Variants in ELAVL4 observed in about 807,000 individuals in gnomAD.
The protein encoded by ELAVL4 is ELAV like RNA binding protein 4, also known as ELAV-like protein 4.
In ELAVL4, 1 loss-of-function variant was observed where a neutral mutation model predicts 35.6. The ratio of observed to expected loss-of-function variants is 0.03; its 90% CI spans 0.01 to 0.13. The LOEUF (loss-of-function observed/expected upper bound fraction) is 0.13. Among genes scored for constraint, ELAVL4 ranks in the 10% least tolerant of loss-of-function variants. The pLI, the probability that ELAVL4 is intolerant of heterozygous loss-of-function variation, is 1.00. For synonymous variants in ELAVL4, 156 were observed against 171.0 expected (o/e 0.91, Z 0.69); for missense variants, 267 against 464.9 (o/e 0.57, Z 3.91).
At chr1:50,086,500 A>T (rs1175435507) in intron 1 of ELAVL4, among the ~76,000 whole-genome samples, 2 of 144,348 alleles carry the variant, frequency 1.4e-5, no homozygotes, top group African/African-American at 2.6e-5. Context: ...ATATATATAT[A>T]CTCTCTCTGC....
intron 1 of ELAVL4, among the ~76,000 whole-genome samples, chr1:50,136,018 G>A (rs755201219): frequency 7.9e-5 from 12 of 151,998 alleles, no homozygotes; most frequent in Non-Finnish European, 1.0e-4. Context: ...TCATAACCAG[G>A]AAAGTGTTGC....
intron 1 of ELAVL4, chr1:50,048,295 CCCCGACT>C: frequency 3.8e-6 from 5 of 1,310,690 alleles, no homozygotes; most frequent in Non-Finnish European, 5.0e-6. Flanking sequence ...AGCCTGGCCA[CCCCGACT>C]CCCAGGGAGG....
At chr1:50,141,287 G>A (rs1672772478) in intron 1 of ELAVL4, among the ~76,000 whole-genome samples, 1 of 152,208 alleles carries the variant, frequency 6.6e-6, no homozygotes, top group African/African-American at 2.4e-5. Context: ...TTGTTGGGGA[G>A]CTGAAAGAAG....
chr1:50,181,793 C>G (rs1272455080), intron 3 of ELAVL4, among the ~76,000 whole-genome samples: 1 of 152,184 alleles, frequency 6.6e-6, no homozygotes, highest in Non-Finnish European at 1.5e-5. Flanking sequence ...AAGCAATTCT[C>G]CTGCCTCAGC....
intron 2 of ELAVL4, among the ~76,000 whole-genome samples, chr1:50,157,440 T>G (rs1379709028): frequency 6.6e-6 from 1 of 152,252 alleles, no homozygotes; most frequent in East Asian, 1.9e-4. Context: ...TGTGATAAGC[T>G]ATCTTTCCTT....
intron 1 of ELAVL4, among the ~76,000 whole-genome samples, chr1:50,084,279 G>T (rs1013131472): frequency 1.3e-5 from 2 of 152,084 alleles, no homozygotes; most frequent in African/African-American, 4.8e-5. Context: ...CAACTCTGTT[G>T]TAGGGTAGGT....
intron 2 of ELAVL4, chr1:50,175,305 G>C (rs1679794113): frequency 6.6e-6 from 1 of 151,828 alleles, no homozygotes; most frequent in South Asian, 2.1e-4. Context: ...ATTGGTCTCT[G>C]TATTTTTGTA....
intron 1 of ELAVL4, among the ~76,000 whole-genome samples, chr1:50,068,083 A>T (rs1439725966): frequency 2.0e-5 from 3 of 152,148 alleles, no homozygotes; most frequent in Non-Finnish European, 4.4e-5. Context: ...ATCACTTATA[A>T]ACCACTAAAC....
At chr1:50,130,873 T>C (rs1185521241) in intron 1 of ELAVL4, among the ~76,000 whole-genome samples, 2 of 152,178 alleles carry the variant, frequency 1.3e-5, no homozygotes, top group Non-Finnish European at 2.9e-5. Flanking sequence ...ATTAACATCA[T>C]TAAATTGTGT....
chr1:50,122,013 C>T (rs60708754), intron 1 of ELAVL4, among the ~76,000 whole-genome samples: 1,666 of 152,126 alleles, frequency 0.011, 23 homozygotes, highest in African/African-American at 0.038. Context: ...TTACAAACAC[C>T]ATCCCTTTTA....
At chr1:50,057,268 A>G (rs991675003) in intron 1 of ELAVL4, among the ~76,000 whole-genome samples, 28 of 152,270 alleles carry the variant, frequency 1.8e-4, no homozygotes, top group African/African-American at 5.8e-4. Flanking sequence ...ACAGCTGTAC[A>G]TGTGTTTGTG....
chr1:50,200,832 C>G lies in ELAVL4; in HGVS notation c.774-19C>G, dbSNP rs1644358454. The G allele has an allele frequency of 1.2e-6, 2 of 1,608,110 alleles. No homozygotes were observed. Among genetic ancestry groups the G allele is most frequent in the Non-Finnish European group, 8.5e-7 (1 of 1,177,128 alleles). On this transcript the variant is annotated intron_variant, in intron 6 of 6. Transcript: ENST00000371824. ...AGACTGATGTCTGGACCAGTCCCCC[C>G]TTCTGCTTGTCCCCCCAGGTTCTCC...
At position 50,175,271 on chromosome 1, in the gene ELAVL4, A is replaced by G. The variant is rs371634125; in HGVS notation, c.251-1818A>G. Among the ~76,000 whole-genome samples the G allele has an allele frequency of 5.6e-4, 86 of 152,292 alleles. 1 individual carries two copies. The highest frequency in any genetic ancestry group is 1.9e-3 in the African/African-American group (79 of 41,562). On this transcript the variant is annotated intron_variant, in intron 2 of 6. Transcript: ENST00000371824. ...GATGAGGTGACACCAAATTTCGGAT[A>G]AATGATATTTTTAAACCAATGAAAT...
rs570512441 is a variant in ELAVL4, at chr1:50,141,385, C to A, written c.10-3572C>A. ...TTGCCATTAAATCGAATGTAGTAGT[C>A]CGGCCTCCTGAATGGATAAATTCTG... is the stretch of plus-strand genomic sequence containing the variant. On this transcript the variant is annotated intron_variant, in intron 1 of 6. Coordinates refer to ENST00000371824, the MANE Select transcript of ELAVL4 (RefSeq NM_001144774.3). 7.9e-5 allele frequency among the ~76,000 whole-genome samples: 12 copies of A among 152,234 alleles called. No homozygotes were observed. The South Asian group carries it at 2.3e-3, about 29-fold the overall frequency.
intron 1 of ELAVL4, among the ~76,000 whole-genome samples, chr1:50,055,510 A>G (rs534604963): frequency 1.3e-5 from 2 of 152,014 alleles, no homozygotes; most frequent in South Asian, 4.1e-4. Context: ...CGTGTTAGCC[A>G]GGATGGTCTT....
upstream of ELAVL4, chr1:50,108,798 TG>T: frequency 2.6e-6 from 1 of 388,418 alleles, no homozygotes; most frequent in Non-Finnish European, 3.5e-6. Context: ...ATCGTCAATC[TG>T]GCAGTAGCTA....
chr1:50,087,181 T>C (rs1665284958), intron 1 of ELAVL4, among the ~76,000 whole-genome samples: 1 of 152,162 alleles, frequency 6.6e-6, no homozygotes, highest in Non-Finnish European at 1.5e-5. Context: ...ACTGAATGGA[T>C]CCCCAAAACA....
At chr1:50,151,162 T>A (rs997792470) in intron 2 of ELAVL4, among the ~76,000 whole-genome samples, 9 of 152,220 alleles carry the variant, frequency 5.9e-5, no homozygotes, top group African/African-American at 1.9e-4. Context: ...AACCCAGCAC[T>A]GACTAATTGT....
At chr1:50,088,567 G>A (rs571395379) in intron 1 of ELAVL4, among the ~76,000 whole-genome samples, 10 of 152,278 alleles carry the variant, frequency 6.6e-5, no homozygotes, top group South Asian at 2.1e-4. Flanking sequence ...AAATATTAAC[G>A]AATATTTAAT....
Sources: gnomAD v4.1 joint callset for allele counts (sites outside exome capture counted in the v4.1 genomes callset) on GRCh38, gnomAD v4.1.1 for gene constraint, MANE v1.5 for transcripts, NCBI Gene and HGNC (gene_info 2026-07-23, HGNC 2026-07-21) for gene names.